PCDH15: variants seen among roughly 807,000 people sequenced by gnomAD.
PCDH15 encodes protocadherin-15.
PCDH15 carries 129 observed loss-of-function variants against 178.5 expected under a neutral mutation model. That is an observed-to-expected ratio of 0.72 (90% CI 0.63 to 0.84). PCDH15 has a LOEUF of 0.84. Ranked by LOEUF, PCDH15 falls within the 40% of genes least tolerant of loss-of-function variation. The pLI is 0.00. For missense variants in PCDH15, 2,230 were observed against 2,099.9 expected (o/e 1.06, Z -1.21); for synonymous variants, 800 against 732.0 (o/e 1.09, Z -1.50).
intron 2 of PCDH15, among the ~76,000 whole-genome samples, chr10:54,531,217 C>T (rs114108120): frequency 6.6e-6 from 1 of 152,118 alleles, no homozygotes; most frequent in African/African-American, 2.4e-5. Flanking sequence ...GGTTAAATCA[C>T]AAATTCATTG....
intron 3 of PCDH15, among the ~76,000 whole-genome samples, chr10:54,465,980 T>G (rs189148822): frequency 1.3e-5 from 2 of 152,088 alleles, no homozygotes; most frequent in Admixed American, 1.3e-4. Context: ...GATTTACACT[T>G]CCATGATGAT....
rs1266708993 is a variant in PCDH15, at chr10:55,582,622, A to ATTTT, written c.-156+45002_-156+45003insAAAA. Among the ~76,000 whole-genome samples the ATTTT allele has an allele frequency of 2.6e-3, 193 of 74,172 alleles. 2 individuals are homozygous for ATTTT. The highest frequency in any genetic ancestry group is 3.9e-3 in the African/African-American group (63 of 16,150). The allele number at this position is 74,172 out of a possible 152,430, so 48.7% of individuals were successfully genotyped here. On this transcript the variant is annotated intron_variant, in intron 2 of 5. Transcript: ENST00000613346. ...TATATATATATATATATATATATAT[A>ATTTT]TATATATTTTTTTTTTTTTGCTATA...
chr10:54,526,878 T>C (rs2083411427), intron 3 of PCDH15, among the ~76,000 whole-genome samples: 1 of 152,154 alleles, frequency 6.6e-6, no homozygotes, highest in Non-Finnish European at 1.5e-5. Context: ...AGGAATTGCC[T>C]ATACAGGTTT....
intron 2 of PCDH15, among the ~76,000 whole-genome samples, chr10:54,557,740 G>A (rs930282277): frequency 4.6e-5 from 7 of 152,046 alleles, no homozygotes; most frequent in Admixed American, 3.9e-4. Flanking sequence ...TATTCCTATA[G>A]TTCTTTCTGT....
At chr10:54,213,461 A>G (rs1290172773) in intron 10 of PCDH15, among the ~76,000 whole-genome samples, 1 of 152,196 alleles carries the variant, frequency 6.6e-6, no homozygotes, top group Non-Finnish European at 1.5e-5. Context: ...TATTGAAAGC[A>G]TCTTTGGATA....
intron 31 of PCDH15, 21 bp downstream of exon 31, chr10:53,828,544 T>A: frequency 6.5e-7 from 1 of 1,543,856 alleles, no homozygotes; most frequent in Non-Finnish European, 9.0e-7. Context: ...AAAGGATGTG[T>A]AAAATGTTAA....
At chr10:55,045,197 T>C (rs929062124) in intron 2 of PCDH15, among the ~76,000 whole-genome samples, 1 of 152,114 alleles carries the variant, frequency 6.6e-6, no homozygotes. Context: ...TATTTCAAAG[T>C]GTTCATGTCA....
intron 1 of PCDH15, among the ~76,000 whole-genome samples, chr10:54,697,011 G>T (rs554164748): frequency 1.3e-5 from 2 of 152,024 alleles, no homozygotes; most frequent in Non-Finnish European, 2.9e-5. Flanking sequence ...AGATTCCTGG[G>T]GATCAAGCAC....
intron 8 of PCDH15, among the ~76,000 whole-genome samples, chr10:54,294,495 T>G (rs1002514039): frequency 6.6e-6 from 1 of 152,148 alleles, no homozygotes; most frequent in Non-Finnish European, 1.5e-5. Context: ...CTGCCTCAAA[T>G]AGATATAACG....
chr10:55,187,987 C>T (rs139602442), intron 1 of PCDH15, among the ~76,000 whole-genome samples: 1 of 151,918 alleles, frequency 6.6e-6, no homozygotes, highest in East Asian at 1.9e-4. Context: ...GACGCTATGG[C>T]AATGGTCCAG....
At chr10:55,359,661 C>A (rs1845174769) in intron 2 of PCDH15, among the ~76,000 whole-genome samples, 1 of 143,166 alleles carries the variant, frequency 7.0e-6, no homozygotes, top group African/African-American at 2.6e-5. Flanking sequence ...TCACAATCAC[C>A]AAGATATATA....
chr10:54,580,641 T>C (rs1299364190), intron 2 of PCDH15, among the ~76,000 whole-genome samples: 3 of 151,346 alleles, frequency 2.0e-5, no homozygotes, highest in Admixed American at 6.6e-5. Flanking sequence ...AGATAAACAA[T>C]GAAAAAAAGA....
rs183916308 is a variant in PCDH15, at chr10:54,162,315, A to G, written c.1591-9022T>C. On this transcript the variant is annotated intron_variant, in intron 13 of 37. Transcript: ENST00000644397. ...CTATCAACTCCATGAACTCCATGCTACCTTTGTAAAACTACTTCTTCCTCC... is the reference window on the plus strand; with the variant it reads ...CTATCAACTCCATGAACTCCATGCTGCCTTTGTAAAACTACTTCTTCCTCC... Among the ~76,000 whole-genome samples, 866 of 152,196 alleles carry G rather than the reference A, an allele frequency of 5.7e-3. 10 individuals are homozygous for G. Among genetic ancestry groups the G allele is most frequent in the Non-Finnish European group, 9.4e-3 (642 of 67,986 alleles).
intron 5 of PCDH15, among the ~76,000 whole-genome samples, chr10:54,349,081 G>A (rs1013347880): frequency 1.1e-4 from 17 of 151,946 alleles, no homozygotes; most frequent in African/African-American, 4.1e-4. Context: ...ATGTCATGGA[G>A]GTAGATATAA....
At chr10:55,525,147 G>T (rs117198696) in intron 2 of PCDH15, among the ~76,000 whole-genome samples, 4,692 of 151,832 alleles carry the variant, frequency 0.031, 134 homozygotes, top group Admixed American at 0.073. Context: ...GTTGATCTTA[G>T]CGCACTGTTT....
chr10:55,125,227 T>C (rs574629115), intron 2 of PCDH15, among the ~76,000 whole-genome samples: 27 of 151,056 alleles, frequency 1.8e-4, no homozygotes, highest in Non-Finnish European at 3.4e-4. Flanking sequence ...AGGCAAGGCA[T>C]GGAGAAATCC....
At chr10:54,375,816 A>G (rs796474844) in intron 4 of PCDH15, among the ~76,000 whole-genome samples, 2 of 116,536 alleles carry the variant, frequency 1.7e-5, no homozygotes, top group South Asian at 2.9e-4. Context: ...ATATAAATAA[A>G]AATATATTTT....
At chr10:55,292,260 AT>A (rs1396341912) in intron 1 of PCDH15, among the ~76,000 whole-genome samples, 14 of 152,368 alleles carry the variant, frequency 9.2e-5, no homozygotes, top group Admixed American at 2.0e-4. Flanking sequence ...GGTAACAGGC[AT>A]TTGGGTAAAT....
chr10:55,503,345 A>G (rs527430450), intron 2 of PCDH15, among the ~76,000 whole-genome samples: 1 of 148,872 alleles, frequency 6.7e-6, no homozygotes, highest in Non-Finnish European at 1.5e-5. Context: ...TTTATTAATT[A>G]AAATAAATTT....
Sources: gnomAD v4.1 joint callset for allele counts (sites outside exome capture counted in the v4.1 genomes callset) on GRCh38, gnomAD v4.1.1 for gene constraint, MANE v1.5 for transcripts, NCBI Gene and HGNC (gene_info 2026-07-23, HGNC 2026-07-21) for gene names.